The following ANPEP variants were observed in gnomAD, a reference collection of about 807,000 sequenced individuals.
ANPEP encodes alanyl aminopeptidase, membrane, also known as aminopeptidase N.
ANPEP carries 70 observed loss-of-function variants against 114.6 expected under a neutral mutation model. The ratio of observed to expected loss-of-function variants is 0.61; its 90% CI spans 0.50 to 0.75. The LOEUF (loss-of-function observed/expected upper bound fraction) is 0.75, where lower values mean the gene tolerates loss of function less well. Among genes scored for constraint, ANPEP ranks in the 30% least tolerant of loss-of-function variants. The probability of loss-of-function intolerance (pLI) is 0.00; values close to 1 mark genes in which losing one functional copy is unlikely to be tolerated. For missense variants in ANPEP, 1,184 were observed against 1,259.5 expected, an observed-to-expected ratio of 0.94 and a Z score of 0.91; for synonymous variants, 548 against 522.3, an observed-to-expected ratio of 1.05 and a Z score of -0.67.
chr15:89,790,166 C>T (rs927637994), intron 20 of ANPEP, among the ~76,000 whole-genome samples: 7 of 152,092 alleles, frequency 4.6e-5, no homozygotes, highest in African/African-American at 1.2e-4. Context: ...AAAAATTGCC[C>T]GCCCGGAAAA....
rs568213879 is a variant in ANPEP at position 89,800,276 on chromosome 15, A to G, written c.1820-717T>C. 2.2e-4 allele frequency among the ~76,000 whole-genome samples: 33 copies of G among 152,202 alleles called. 1 individual carries two copies. The highest frequency in any genetic ancestry group is 1.7e-3 in the Admixed American group (26 of 15,294). On this transcript the variant is annotated intron_variant, in intron 12 of 20. Coordinates refer to ENST00000300060, the MANE Select transcript of ANPEP (RefSeq NM_001150.3). ...GATTCCTACTCTTCCTCTAAGACTC[A>G]GCTCACCTCCTCCGGGAAGCCCTCC...
In ANPEP at chr15:89,801,606, G is replaced by A. The variant is rs2141804946; in HGVS notation, c.1571C>T (p.Ala524Val). Residue 524 changes from alanine (A) to valine (V), a missense_variant and splice_region_variant, in exon 11 of 21, where the codon GCT becomes GTT. Transcript: ENST00000300060. ...GAGTTGGATGGACCGGTTGTTCACAGCCTGTGGGTGGAGCGAGAGGGCGTG... is the reference window on the plus strand; with the variant it reads ...GAGTTGGATGGACCGGTTGTTCACAACCTGTGGGTGGAGCGAGAGGGCGTG... ...YLNLWDHLQE[A>V]VNNRSIQLPT... The A allele has an allele frequency of 2.5e-6, 4 of 1,613,368 alleles. No individual in the cohort carries two copies. Among genetic ancestry groups the A allele is most frequent in the South Asian group, 1.1e-5 (1 of 91,054 alleles).
At chr15:89,794,787 C>G (rs1968697546) in intron 15 of ANPEP, among the ~76,000 whole-genome samples, 1 of 152,182 alleles carries the variant, frequency 6.6e-6, no homozygotes, top group Non-Finnish European at 1.5e-5. Context: ...GTTCCCTTCC[C>G]TCCTGTGTCC....
At chr15:89,785,627 C>T in intron 20 of ANPEP, 126 bp from the exon 21 acceptor site, 1 of 1,326,192 alleles carries the variant, frequency 7.5e-7, no homozygotes, top group Non-Finnish European at 1.0e-6. Context: ...CACCCTGTTC[C>T]AGGGATAGGC....
At chr15:89,792,064 G>C in intron 18 of ANPEP, 96 bp downstream of exon 18, 1 of 1,409,172 alleles carries the variant, frequency 7.1e-7, no homozygotes, top group Admixed American at 2.1e-5. Flanking sequence ...AGGTCTGTGG[G>C]GGTCACGTGA....
intron 15 of ANPEP, among the ~76,000 whole-genome samples, chr15:89,794,123 A>G (rs1406129433): frequency 6.6e-6 from 1 of 152,192 alleles, no homozygotes. Context: ...GAGTGGGAGA[A>G]TTTGCAATTG....
chr15:89,805,916 G>A (rs1321585639), intron 2 of ANPEP, 54 bp downstream of exon 2: 8 of 1,545,920 alleles, frequency 5.2e-6, no homozygotes, highest in African/African-American at 1.4e-5. Context: ...TCAGAATCCA[G>A]CCTTGCCTCA....
rs781303509 is a variant in ANPEP, at chr15:89,805,392, A to T, written c.686T>A (p.Met229Lys). Residue 229 changes from methionine to lysine, a missense_variant, in exon 3 of 21, where the codon ATG becomes AAG. Coordinates refer to ENST00000300060, the MANE Select transcript of ANPEP (RefSeq NM_001150.3). ...AAGCGTGATGTTGAACTCGGCCTTC[A>T]TGGCCGGCTCATCGAAGCATGGGAA... ...KSFPCFDEPA[M>K]KAEFNITLIH... 6 of 1,614,150 alleles carry T rather than the reference A, an allele frequency of 3.7e-6. No homozygotes were observed. The highest frequency in any genetic ancestry group is 5.1e-6 in the Non-Finnish European group (6 of 1,180,006).
At chr15:89,797,370 C>G (rs547538564) in intron 15 of ANPEP, 83 of 661,268 alleles carry the variant, frequency 1.3e-4, no homozygotes, top group African/African-American at 1.2e-3. Context: ...CACTCACCTC[C>G]ATGTCCCTCC....
chr15:89,791,353 C>G (rs1968620290), intron 18 of ANPEP, among the ~76,000 whole-genome samples: 1 of 152,186 alleles, frequency 6.6e-6, no homozygotes, highest in Admixed American at 6.5e-5. Flanking sequence ...GGAAGGAGTC[C>G]TAGCGCCCCA....
At position 89,806,461 on chromosome 15, in the gene ANPEP, GGC is replaced by G; in HGVS notation, c.121_122del (p.Ala41GlnfsTer28). On this transcript the variant is annotated frameshift_variant, in exon 2 of 21. Transcript: ENST00000300060. LOFTEE classifies it high-confidence loss of function. The surrounding 1 kb of genome is among the most constrained non-coding windows in gnomAD (Gnocchi z 5.7). Reference sequence around the variant, plus strand: ...TGGTGGAGGCCACGGGGGAGCTGTTGGCGTTCTTGTTCTTCTCCTGGGAGTAC... The same window carrying G: ...TGGTGGAGGCCACGGGGGAGCTGTTGGTTCTTGTTCTTCTCCTGGGAGTAC... Reference protein sequence around the residue: ...VVYSQEKNKNANSSPVASTTP... With the variant: ...VVYSQEKNKNXNSSPVASTTP... 6.2e-7 allele frequency: 1 copy of G among 1,614,136 alleles called. No homozygotes were observed. Among genetic ancestry groups the G allele is most frequent in the Non-Finnish European group, 8.5e-7 (1 of 1,180,008 alleles).
rs138092014 is a variant in ANPEP, at chr15:89,790,415, G to A, written c.2751+45C>T. ...GAAGAATGGAGTGCCCCTTTGGCCT[G>A]GGAAGGAAGTAGGCAGAGCCCAGGT... On this transcript the variant is annotated intron_variant, in intron 20 of 20. Coordinates refer to ENST00000300060, the MANE Select transcript of ANPEP (RefSeq NM_001150.3). The A allele has an allele frequency of 1.9e-4, 303 of 1,574,558 alleles. 1 individual carries two copies. In the African/African-American group the frequency reaches 3.8e-3, roughly 20 times the overall value.
rs749547497 is a variant in ANPEP at position 89,805,178 on chromosome 15, A to G, written c.797T>C (p.Val266Ala). 3.3e-5 allele frequency: 53 copies of G among 1,614,066 alleles called. No homozygotes were observed. The highest frequency in any genetic ancestry group is 6.6e-5 in the South Asian group (6 of 91,084). Reference protein sequence around the residue: ...TPLPEDPNWNVTEFHTTPKMS... With the variant: ...TPLPEDPNWNATEFHTTPKMS... ...CTTGGGCGTGGTGTGGAACTCAGTG[A>G]CATTCCAGTTGGGGTCTTCTGGAAG... Residue 266 changes from valine to alanine, a missense_variant, in exon 4 of 21, where the codon GTC becomes GCC. By Grantham distance (64) the Val-to-Ala change is moderately conservative (BLOSUM62 0). Coordinates refer to ENST00000300060, the MANE Select transcript of ANPEP (RefSeq NM_001150.3).
chr15:89,807,272 C>T (rs1158395678), intron 1 of ANPEP, among the ~76,000 whole-genome samples: 1 of 152,232 alleles, frequency 6.6e-6, no homozygotes, highest in Non-Finnish European at 1.5e-5. Context: ...CACCTCTTTC[C>T]AGCTGTGACC....
intron 20 of ANPEP, among the ~76,000 whole-genome samples, chr15:89,789,836 C>G (rs1408573643): frequency 1.4e-5 from 2 of 148,024 alleles, no homozygotes; most frequent in Non-Finnish European, 3.0e-5. Flanking sequence ...TTTGGGAGGC[C>G]GAGGCAGGCA....
chr15:89,811,667 GA>G (rs908240238), intron 1 of ANPEP, among the ~76,000 whole-genome samples: 1 of 147,882 alleles, frequency 6.8e-6, no homozygotes, highest in African/African-American at 2.5e-5. Flanking sequence ...AAAAAAAAAA[GA>G]AAAAAAGAAA....
intron 15 of ANPEP, 148 bp from the exon 16 acceptor site, chr15:89,793,274 C>CA (rs1391489106): frequency 3.2e-6 from 2 of 622,654 alleles, no homozygotes; most frequent in Non-Finnish European, 5.6e-6. Context: ...CAAAGGGGCC[C>CA]ATAGAAGTCT....
At chr15:89,805,531 C>T (rs1894693375) in intron 2 of ANPEP, 68 bp from the exon 3 acceptor site, 2 of 1,586,102 alleles carry the variant, frequency 1.3e-6, no homozygotes, top group Non-Finnish European at 1.7e-6. Flanking sequence ...GAGGATGCTA[C>T]CAGGCATGCA....
chr15:89,786,727 T>C (rs1265640025), intron 20 of ANPEP, among the ~76,000 whole-genome samples: 1 of 151,252 alleles, frequency 6.6e-6, no homozygotes, highest in Non-Finnish European at 1.5e-5. Flanking sequence ...GACTCACACT[T>C]CCCAATTTTA....
Sources: gnomAD v4.1 joint callset for allele counts (sites outside exome capture counted in the v4.1 genomes callset) on GRCh38, gnomAD v4.1.1 for gene constraint, Gnocchi (gnomAD v3.1) non-coding constraint, MANE v1.5 for transcripts, NCBI Gene and HGNC (gene_info 2026-07-23, HGNC 2026-07-21) for gene names.